Variants in TATDN2 observed in about 807,000 individuals in gnomAD.
The protein encoded by TATDN2 is TatD DNase domain containing 2, also known as 3'-5' RNA nuclease TATDN2.
In TATDN2, 44 loss-of-function variants were observed where a neutral mutation model predicts 60.3. The observed-to-expected ratio is 0.73, with a 90% CI of 0.57 to 0.94. The LOEUF (loss-of-function observed/expected upper bound fraction) is 0.94. TATDN2 is among the 40% of genes least tolerant of loss of function. The pLI is 0.00. For synonymous variants in TATDN2, 399 were observed against 355.8 expected (o/e 1.12, Z -1.37); for missense variants, 997 against 948.0 (o/e 1.05, Z -0.68).
chr3:10,271,617 T>C lies in TATDN2; in HGVS notation c.1833+602T>C, dbSNP rs931997611. Among the ~76,000 whole-genome samples the C allele has an allele frequency of 3.3e-5, 5 of 152,304 alleles. No individual in the cohort carries two copies. In the South Asian group the frequency reaches 8.3e-4, roughly 25 times the overall value. ...CTGCGCCTGGCCTGCATTGTTTTTT[T>C]TAAATATACCCATTGCAGAATATTT... On this transcript the variant is annotated intron_variant, in intron 4 of 7. Transcript: ENST00000448281.
chr3:10,278,579 G>C lies in TATDN2; in HGVS notation c.2145+117G>C. On this transcript the variant is annotated intron_variant, in intron 6 of 7. Transcript: ENST00000448281. The surrounding 1 kb of genome is among the most constrained non-coding windows in gnomAD (Gnocchi z 4.7). ...CAGTGACTTCCAGGTCCCATCCTGGGCTGTGTAGATGCCTCCTTGCTGTTA... is the reference window on the plus strand; with the variant it reads ...CAGTGACTTCCAGGTCCCATCCTGGCCTGTGTAGATGCCTCCTTGCTGTTA... 7.2e-7 allele frequency: 1 copy of C among 1,392,900 alleles called. No individual in the cohort carries two copies. The highest frequency in any genetic ancestry group is 1.0e-6 in the Non-Finnish European group (1 of 988,232). 86.3% of individuals were successfully genotyped at this position (1,392,900 alleles called of 1,614,324 possible). A position where few individuals can be genotyped will look rare whatever the true frequency, so the allele number is the denominator to read the frequency against.
At chr3:10,251,765 T>A (rs2125170865) in intron 2 of TATDN2, among the ~76,000 whole-genome samples, 1 of 152,164 alleles carries the variant, frequency 6.6e-6, no homozygotes, top group Non-Finnish European at 1.5e-5. Flanking sequence ...CGCAATCATG[T>A]CTCACTGTAG....
intron 2 of TATDN2, among the ~76,000 whole-genome samples, chr3:10,257,573 G>A (rs1224526088): frequency 7.6e-6 from 1 of 130,926 alleles, no homozygotes; most frequent in African/African-American, 2.9e-5. Context: ...AGGTTGCAGT[G>A]AGCTGAGATC....
At chr3:10,277,229 T>C (rs1421193962) in intron 5 of TATDN2, among the ~76,000 whole-genome samples, 5 of 152,218 alleles carry the variant, frequency 3.3e-5, no homozygotes, top group Non-Finnish European at 5.9e-5. Flanking sequence ...ATCAAGGTCA[T>C]GTTTTATCAG....
intron 3 of TATDN2, among the ~76,000 whole-genome samples, chr3:10,263,115 GGT>G (rs745997071): frequency 1.5e-4 from 23 of 151,824 alleles, no homozygotes; most frequent in Non-Finnish European, 2.1e-4. Context: ...TGGTGAGGCT[GGT>G]GTCGAACTCC....
intron 3 of TATDN2, among the ~76,000 whole-genome samples, chr3:10,265,882 T>A (rs1340993544): frequency 6.6e-6 from 1 of 152,014 alleles, no homozygotes. Flanking sequence ...TTGACAGACT[T>A]CAGCTAATTC....
In TATDN2 at chr3:10,270,541, C is replaced by T; in HGVS notation, c.1359C>T (p.Ser453=). The part of the protein sequence containing the change: ...QNSRSFRFSR[S]SEEREVKEKR... ...CTCGTTCATTTCGCTTCTCCAGAAG[C>T]TCAGAAGAAAGAGAGGTGAAGGAGA... Residue 453 remains serine (S), a synonymous_variant, in exon 4 of 8, where the codon AGC becomes AGT. Coordinates refer to ENST00000448281, the MANE Select transcript of TATDN2 (RefSeq NM_014760.4). 7 of 1,614,236 alleles carry T rather than the reference C, an allele frequency of 4.3e-6. No homozygotes were observed. The highest frequency in any genetic ancestry group is 1.1e-5 in the South Asian group (1 of 91,088).
chr3:10,268,279 T>C (rs1463218815), intron 3 of TATDN2, among the ~76,000 whole-genome samples: 3 of 152,270 alleles, frequency 2.0e-5, no homozygotes, highest in African/African-American at 7.2e-5. Flanking sequence ...TTACTAATAC[T>C]TGTTTCCTGT....
chr3:10,258,777 A>C (rs1366254103), intron 2 of TATDN2, among the ~76,000 whole-genome samples: 1 of 151,928 alleles, frequency 6.6e-6, no homozygotes, highest in Non-Finnish European at 1.5e-5. Flanking sequence ...GCCGAGCCTA[A>C]GTCTCTTTCT....
intron 4 of TATDN2, among the ~76,000 whole-genome samples, chr3:10,274,848 C>T (rs1209223969): frequency 1.3e-5 from 2 of 152,138 alleles, no homozygotes; most frequent in Non-Finnish European, 2.9e-5. Flanking sequence ...TGTAAATATT[C>T]TCAAGTGAAT....
chr3:10,252,197 A>G lies in TATDN2; in HGVS notation c.414+2583A>G, dbSNP rs77945165. Among the ~76,000 whole-genome samples the G allele has an allele frequency of 4.7e-5, 7 of 148,460 alleles. No individual in the cohort carries two copies. The Admixed American group carries it at 4.7e-4, about 10-fold the overall frequency. On this transcript the variant is annotated intron_variant, in intron 2 of 7. Coordinates refer to ENST00000448281, the MANE Select transcript of TATDN2 (RefSeq NM_014760.4). ...TTTTTTTTGTAGAGATGAAGATCTC[A>G]CTGTGTTGCCCAGGCTGGTCTCAAA...
Position 10,260,579 on chromosome 3 carries a change from A to C in TATDN2, c.857A>C (p.Glu286Ala). ...GACCCTCAAGAGAAACCCAGTGAGG[A>C]GCCCCTTGGGGACCGAAGGACTGTC... ...VIDPQEKPSEEPLGDRRTVID... is the reference protein window; with the variant it reads ...VIDPQEKPSEAPLGDRRTVID... Residue 286 changes from glutamate to alanine, a missense_variant, in exon 3 of 8, where the codon GAG becomes GCG. Coordinates refer to ENST00000448281, the MANE Select transcript of TATDN2 (RefSeq NM_014760.4). 6.2e-7 allele frequency: 1 copy of C among 1,614,184 alleles called. No homozygotes were observed. Among genetic ancestry groups the C allele is most frequent in the South Asian group, 1.1e-5 (1 of 91,074 alleles).
intron 3 of TATDN2, among the ~76,000 whole-genome samples, chr3:10,265,419 T>C (rs1198612741): frequency 2.9e-4 from 44 of 150,352 alleles, no homozygotes; most frequent in African/African-American, 9.2e-4. Context: ...GTGGGGCTCA[T>C]GCCTGTAATC....
rs544069359 is a variant in TATDN2 at position 10,279,985 on chromosome 3, G to A, written c.*803G>A. The stretch of plus-strand genomic sequence containing the variant: ...CTGTGTGGGTGTGTTAAGCTGATAA[G>A]GTTCAGTTTGCGGCGGAAACTACCT... On this transcript the variant is annotated 3_prime_UTR_variant, in exon 8 of 8. Transcript: ENST00000448281. 1 of 153,774 alleles carries A rather than the reference G, an allele frequency of 6.5e-6. No individual in the cohort carries two copies. Among genetic ancestry groups the A allele is most frequent in the African/African-American group, 2.4e-5 (1 of 41,454 alleles). The allele number at this position is 153,774 out of a possible 1,614,324, so 9.5% of individuals were successfully genotyped here.
At chr3:10,253,886 A>G (rs960308244) in intron 2 of TATDN2, among the ~76,000 whole-genome samples, 4 of 152,230 alleles carry the variant, frequency 2.6e-5, no homozygotes, top group Non-Finnish European at 4.4e-5. Flanking sequence ...CTGTGGGGTA[A>G]TATCAGATTA....
intron 2 of TATDN2, among the ~76,000 whole-genome samples, chr3:10,256,521 T>C (rs1698311297): frequency 6.6e-6 from 1 of 152,094 alleles, no homozygotes; most frequent in Non-Finnish European, 1.5e-5. Flanking sequence ...TCCAGAACCG[T>C]GCCTGCTGGC....
chr3:10,276,270 C>T, intron 4 of TATDN2, 91 bp from the exon 5 acceptor site: 9 of 1,491,258 alleles, frequency 6.0e-6, no homozygotes, highest in South Asian at 1.3e-5. Context: ...AAGAGAGACA[C>T]AGGGGGTGCC....
At position 10,278,493 on chromosome 3, in the gene TATDN2, C is replaced by G; in HGVS notation, c.2145+31C>G. 6.2e-7 allele frequency: 1 copy of G among 1,603,920 alleles called. No homozygotes were observed. Among genetic ancestry groups the G allele is most frequent in the Non-Finnish European group, 8.5e-7 (1 of 1,172,546 alleles). ...GGGGTCTTCAGGCTGAGTGGAGGCA[C>G]CGGAGGGAGAGGGTGGGGAGGTGGG... On this transcript the variant is annotated intron_variant, in intron 6 of 7. Transcript: ENST00000448281. This position sits in a 1 kb window ranked among gnomAD's most constrained non-coding sequence, Gnocchi z 4.7.
intron 2 of TATDN2, among the ~76,000 whole-genome samples, chr3:10,252,505 A>G (rs534021718): frequency 2.0e-5 from 3 of 152,278 alleles, no homozygotes; most frequent in South Asian, 4.1e-4. Context: ...GATGAATTAC[A>G]AAACACCTCT....
Sources: allele counts gnomAD v4.1 joint callset (sites outside exome capture counted in the v4.1 genomes callset), GRCh38; gene constraint gnomAD v4.1.1; non-coding constraint Gnocchi (gnomAD v3.1); transcripts MANE v1.5; gene names NCBI Gene and HGNC (gene_info 2026-07-23, HGNC 2026-07-21).